The following TOP6BL variants were observed in gnomAD, a reference collection of about 807,000 sequenced individuals.
The protein encoded by TOP6BL is type 2 DNA topoisomerase 6 subunit B-like.
the TOP6BL span, among the ~76,000 whole-genome samples, chr11:66,795,738 T>TC: frequency 1.3e-5 from 2 of 152,188 alleles, no homozygotes; most frequent in East Asian, 3.9e-4. Context: ...GTAATTTTTT[T>TC]TTTTTACAGA....
the TOP6BL span, among the ~76,000 whole-genome samples, chr11:66,817,926 A>G: frequency 6.6e-6 from 1 of 152,138 alleles, no homozygotes; most frequent in Admixed American, 6.5e-5. Flanking sequence ...AATCCAATAA[A>G]CCCTGGGACA....
chr11:66,811,843 T>C, the TOP6BL span, among the ~76,000 whole-genome samples: 3 of 152,142 alleles, frequency 2.0e-5, no homozygotes, highest in Admixed American at 2.0e-4. Flanking sequence ...TGGAGGCTGA[T>C]GCAGAGAGAG....
At chr11:66,744,834 C>CGGA in the TOP6BL span, 1 of 1,326,700 alleles carries the variant, frequency 7.5e-7, no homozygotes, top group Non-Finnish European at 9.7e-7. Flanking sequence ...GCGGCGGCGG[C>CGGA]GGCGGCGGCG....
chr11:66,813,774 T>TG, the TOP6BL span: 3 of 1,226,680 alleles, frequency 2.4e-6, no homozygotes, highest in South Asian at 4.1e-5. Context: ...CTTATGGGAG[T>TG]GTAAACCAGG....
chr11:66,833,376 C>T, the TOP6BL span, among the ~76,000 whole-genome samples: 5 of 152,204 alleles, frequency 3.3e-5, 1 homozygote, highest in East Asian at 9.6e-4. Flanking sequence ...CTAATCCTGT[C>T]TTGCGATCTG....
chr11:66,758,302 C>CTTTTTTTTTTTTTCTTTTTTTT, the TOP6BL span: 1 of 67,318 alleles, frequency 1.5e-5, no homozygotes, highest in Non-Finnish European at 2.5e-5. Flanking sequence ...TTTTCTTTTT[C>CTTTTTTTTTTTTTCTTTTTTTT]TTTTTTTTTT....
the TOP6BL span, among the ~76,000 whole-genome samples, chr11:66,829,089 A>G: frequency 6.6e-6 from 1 of 150,654 alleles, no homozygotes; most frequent in Non-Finnish European, 1.5e-5. Context: ...AAAAAAAAAA[A>G]AAAAAATTAG....
At chr11:66,833,040 C>CTTTTTT in the TOP6BL span, among the ~76,000 whole-genome samples, 12 of 117,260 alleles carry the variant, frequency 1.0e-4, no homozygotes, top group Non-Finnish European at 2.1e-4. Flanking sequence ...ATCTTTCTGC[C>CTTTTTT]TTTTTTTTTT....
the TOP6BL span, among the ~76,000 whole-genome samples, chr11:66,812,077 C>G: frequency 2.0e-5 from 3 of 152,164 alleles, no homozygotes; most frequent in African/African-American, 7.2e-5. Flanking sequence ...GATTTAAACT[C>G]CACTATAGCT....
At chr11:66,827,706 T>A in the TOP6BL span, among the ~76,000 whole-genome samples, 1 of 152,008 alleles carries the variant, frequency 6.6e-6, no homozygotes, top group African/African-American at 2.4e-5. Flanking sequence ...GGCTTACACC[T>A]GTAATCCTAG....
At chr11:66,781,333 A>G in the TOP6BL span, among the ~76,000 whole-genome samples, 3 of 152,134 alleles carry the variant, frequency 2.0e-5, no homozygotes. Flanking sequence ...CTAATCTGCT[A>G]TTAAACCTAT....
At chr11:66,797,849 T>C in the TOP6BL span, among the ~76,000 whole-genome samples, 1 of 152,330 alleles carries the variant, frequency 6.6e-6, no homozygotes, top group Admixed American at 6.5e-5. Flanking sequence ...GAGAGCTAAA[T>C]TTTTTATTAT....
the TOP6BL span, among the ~76,000 whole-genome samples, chr11:66,840,385 C>T: frequency 6.6e-6 from 1 of 152,180 alleles, no homozygotes; most frequent in African/African-American, 2.4e-5. Context: ...TGTGGGGACC[C>T]ATTTCCTCCA....
the TOP6BL span, among the ~76,000 whole-genome samples, chr11:66,753,974 G>A: frequency 6.6e-6 from 1 of 152,206 alleles, no homozygotes; most frequent in Non-Finnish European, 1.5e-5. Flanking sequence ...CAAAGTGCTG[G>A]GATTACAGGC....
chr11:66,748,352 G>T, the TOP6BL span: 10 of 1,490,962 alleles, frequency 6.7e-6, no homozygotes, highest in Non-Finnish European at 9.1e-6. Context: ...AGAAGATTAT[G>T]TTTTCTTTGA....
At chr11:66,786,827 A>G in the TOP6BL span, among the ~76,000 whole-genome samples, 1 of 152,160 alleles carries the variant, frequency 6.6e-6, no homozygotes, top group East Asian at 1.9e-4. Flanking sequence ...AGTGTAGCAT[A>G]CCCTTGCTGT....
the TOP6BL span, chr11:66,843,409 A>C: frequency 7.0e-7 from 1 of 1,422,706 alleles, no homozygotes; most frequent in Non-Finnish European, 9.1e-7. Flanking sequence ...CGTCACCCAC[A>C]CCTCCCTGGG....
chr11:66,794,099 G>A, the TOP6BL span, among the ~76,000 whole-genome samples: 108 of 135,964 alleles, frequency 7.9e-4, no homozygotes, highest in African/African-American at 2.7e-3. Flanking sequence ...GTGACAAAGC[G>A]AGACCCTGTT....
chr11:66,776,207 C>CT, the TOP6BL span, among the ~76,000 whole-genome samples: 76 of 152,082 alleles, frequency 5.0e-4, no homozygotes, highest in African/African-American at 1.8e-3. Context: ...TACAGGCATG[C>CT]ACCACCATGC....
Sources: allele counts gnomAD v4.1 joint callset (sites outside exome capture counted in the v4.1 genomes callset), GRCh38; gene constraint gnomAD v4.1.1; transcripts MANE v1.5; gene names NCBI Gene and HGNC (gene_info 2026-07-23, HGNC 2026-07-21).